Variants in EBF1 observed in about 807,000 individuals in gnomAD.
The protein encoded by EBF1 is EBF transcription factor 1, also known as transcription factor COE1.
A neutral mutation model predicts 68.4 loss-of-function variants in EBF1; 10 were observed. The observed-to-expected ratio is 0.15, with a 90% CI of 0.09 to 0.25. The LOEUF is 0.25. Among genes scored for constraint, EBF1 ranks in the 10% least tolerant of loss-of-function variants. EBF1 has a pLI of 1.00. For synonymous variants in EBF1, 298 were observed against 299.8 expected, an observed-to-expected ratio of 0.99 and a Z score of 0.06; for missense variants, 509 against 794.4, an observed-to-expected ratio of 0.64 and a Z score of 4.32.
chr5:158,969,074 G>T (rs370195819), intron 6 of EBF1, among the ~76,000 whole-genome samples: 2 of 152,282 alleles, frequency 1.3e-5, no homozygotes, highest in East Asian at 3.9e-4. Context: ...GGTTGAGGCA[G>T]GCAGATCACT....
intron 6 of EBF1, among the ~76,000 whole-genome samples, chr5:159,031,908 T>C (rs1203888123): frequency 6.7e-6 from 1 of 149,672 alleles, no homozygotes; most frequent in Non-Finnish European, 1.5e-5. Context: ...AAACCCGCCA[T>C]CTTTTGTGGG....
intron 8 of EBF1, among the ~76,000 whole-genome samples, chr5:158,798,403 A>C (rs1478456613): frequency 6.6e-6 from 1 of 152,086 alleles, no homozygotes; most frequent in Non-Finnish European, 1.5e-5. Flanking sequence ...AATTTCTGTT[A>C]ATTTTTATTT....
intron 7 of EBF1, among the ~76,000 whole-genome samples, chr5:158,824,973 A>G (rs1283836761): frequency 6.6e-6 from 1 of 152,268 alleles, no homozygotes; most frequent in African/African-American, 2.4e-5. Context: ...TAAAATGCAT[A>G]GGAAACAGTT....
At chr5:158,752,776 T>C (rs1254170769) in intron 10 of EBF1, among the ~76,000 whole-genome samples, 1 of 152,096 alleles carries the variant, frequency 6.6e-6, no homozygotes, top group Non-Finnish European at 1.5e-5. Context: ...CCCACGGTTG[T>C]AAAATCTTGA....
chr5:158,710,432 G>A (rs771676841), intron 14 of EBF1, among the ~76,000 whole-genome samples: 2 of 152,096 alleles, frequency 1.3e-5, no homozygotes, highest in African/African-American at 2.4e-5. Context: ...GGTCATGATC[G>A]AAACATTTTC....
chr5:159,036,155 G>T (rs1039169165), intron 6 of EBF1, among the ~76,000 whole-genome samples: 1 of 152,176 alleles, frequency 6.6e-6, no homozygotes, highest in African/African-American at 2.4e-5. Flanking sequence ...TTTCAGAGTT[G>T]CACTTCAACT....
intron 7 of EBF1, among the ~76,000 whole-genome samples, chr5:158,837,853 G>T (rs535177364): frequency 5.3e-5 from 8 of 152,230 alleles, no homozygotes; most frequent in Middle Eastern, 6.8e-3. Flanking sequence ...CATTAGACAT[G>T]TTTATTAGAC....
intron 4 of EBF1, among the ~76,000 whole-genome samples, chr5:159,089,417 C>T (rs1781240539): frequency 1.3e-5 from 2 of 152,158 alleles, no homozygotes; most frequent in East Asian, 1.9e-4. Context: ...TACTGTGAAG[C>T]GTAGTTCATT....
At chr5:158,704,567 G>A (rs75113229) in intron 15 of EBF1, among the ~76,000 whole-genome samples, 28 of 152,130 alleles carry the variant, frequency 1.8e-4, no homozygotes, top group African/African-American at 6.3e-4. Flanking sequence ...AAGGAAAAAC[G>A]TGGAATAGAA....
At chr5:158,722,253 C>T (rs759781053) in intron 11 of EBF1, among the ~76,000 whole-genome samples, 3 of 152,126 alleles carry the variant, frequency 2.0e-5, no homozygotes, top group Non-Finnish European at 4.4e-5. Context: ...GAAACAAAAA[C>T]GGCCTAGAGT....
rs1779616587 is a variant in EBF1 at position 158,796,375 on chromosome 5, G to A, written c.879C>T (p.Val293=). 19 of 1,613,424 alleles carry A rather than the reference G, an allele frequency of 1.2e-5. No homozygotes were observed. The highest frequency in any genetic ancestry group is 1.6e-5 in the Non-Finnish European group (19 of 1,179,594). ...TCCAGACCAGCATGGTACCGAATAT[G>A]ACCTGTAACCCATCAAAGAAATTGT... ...IGDNFFDGLQ[V]IFGTMLVWSE... Residue 293 remains valine (V), a synonymous_variant, in exon 9 of 16, where the codon GTC becomes GTT. Transcript: ENST00000313708.
At chr5:158,880,696 A>C (rs1798748357) in intron 6 of EBF1, among the ~76,000 whole-genome samples, 1 of 152,258 alleles carries the variant, frequency 6.6e-6, no homozygotes, top group African/African-American at 2.4e-5. Flanking sequence ...TTGCCGATTT[A>C]AATAAGAACG....
chr5:158,871,841 G>A (rs1796928675), intron 6 of EBF1, among the ~76,000 whole-genome samples: 1 of 152,092 alleles, frequency 6.6e-6, no homozygotes, highest in Non-Finnish European at 1.5e-5. Flanking sequence ...CTACAGCAAT[G>A]CACCAAATTC....
chr5:158,733,270 T>A (rs1412266196), intron 10 of EBF1, among the ~76,000 whole-genome samples: 2 of 152,214 alleles, frequency 1.3e-5, no homozygotes, highest in African/African-American at 4.8e-5. Flanking sequence ...CATTTTAATA[T>A]CTGAAAACAT....
At chr5:158,945,238 T>C (rs1442115443) in intron 6 of EBF1, among the ~76,000 whole-genome samples, 1 of 152,210 alleles carries the variant, frequency 6.6e-6, no homozygotes, top group Non-Finnish European at 1.5e-5. Flanking sequence ...CATCTTGAGT[T>C]AATTTTTGTA....
At chr5:158,933,000 C>G (rs1811218064) in intron 6 of EBF1, among the ~76,000 whole-genome samples, 1 of 152,102 alleles carries the variant, frequency 6.6e-6, no homozygotes, top group Non-Finnish European at 1.5e-5. Flanking sequence ...GTCTCTGATC[C>G]CTCAGAACTT....
intron 6 of EBF1, among the ~76,000 whole-genome samples, chr5:158,980,657 A>C (rs2127584321): frequency 6.6e-6 from 1 of 152,382 alleles, no homozygotes; most frequent in South Asian, 2.1e-4. Flanking sequence ...ACAAAGGAAG[A>C]ATGGAGAGAA....
chr5:158,929,181 ATAATAT>A (rs1009801033), intron 6 of EBF1, among the ~76,000 whole-genome samples: 5 of 152,200 alleles, frequency 3.3e-5, no homozygotes, highest in African/African-American at 1.2e-4. Flanking sequence ...TGGCAGACAT[ATAATAT>A]TAAAAGATTT....
At chr5:158,723,574 G>A (rs79911939) in intron 11 of EBF1, among the ~76,000 whole-genome samples, 3,704 of 152,132 alleles carry the variant, frequency 0.024, 143 homozygotes, top group African/African-American at 0.084. Flanking sequence ...TGTATTGCGT[G>A]CCTTGAGTGC....
Sources: allele counts gnomAD v4.1 joint callset (sites outside exome capture counted in the v4.1 genomes callset), GRCh38; gene constraint gnomAD v4.1.1; transcripts MANE v1.5; gene names NCBI Gene and HGNC (gene_info 2026-07-23, HGNC 2026-07-21).